Variants in IQSEC1 observed in about 807,000 individuals in gnomAD.
IQSEC1 encodes IQ motif and SEC7 domain-containing protein 1.
IQSEC1 carries 31 observed loss-of-function variants against 91.0 expected under a neutral mutation model. The ratio of observed to expected loss-of-function variants is 0.34; its 90% CI spans 0.26 to 0.46. The LOEUF (loss-of-function observed/expected upper bound fraction) is 0.46. Ranked by LOEUF, IQSEC1 falls within the 20% of genes least tolerant of loss-of-function variation. IQSEC1 has a pLI of 1.00. For missense variants in IQSEC1, 1,388 were observed against 1,575.6 expected (o/e 0.88, Z 2.02); for synonymous variants, 699 against 662.6 (o/e 1.05, Z -0.84).
At chr3:13,032,843 C>A (rs1407553613) in intron 1 of IQSEC1, among the ~76,000 whole-genome samples, 1 of 152,168 alleles carries the variant, frequency 6.6e-6, no homozygotes, top group Non-Finnish European at 1.5e-5. Context: ...CTCGGCCTCC[C>A]AAAGTGCTGG....
intron 6 of IQSEC1, 23 bp downstream of exon 6, chr3:12,920,407 G>A: frequency 6.2e-7 from 1 of 1,608,708 alleles, no homozygotes; most frequent in Non-Finnish European, 8.5e-7. Flanking sequence ...TCTGTGGCTG[G>A]CCGACCGCCT....
Position 12,988,726 on chromosome 3 carries a change from C to T in IQSEC1, c.24-46861G>A, listed in dbSNP as rs191611646. On this transcript the variant is annotated intron_variant, in intron 1 of 13. Coordinates refer to ENST00000613206, the MANE Select transcript of IQSEC1 (RefSeq NM_001134382.3). ...CTTTGGGCAATGCTCAGTCTCTTGACCCATGCAGTGGTCACACGCATGTTC... is the reference window on the plus strand; with the variant it reads ...CTTTGGGCAATGCTCAGTCTCTTGATCCATGCAGTGGTCACACGCATGTTC... Among the ~76,000 whole-genome samples the T allele has an allele frequency of 5.4e-4, 82 of 152,268 alleles. 1 individual carries two copies. The highest frequency in any genetic ancestry group is 9.1e-4 in the Non-Finnish European group (62 of 68,030).
rs1048965328 is a variant in IQSEC1 at position 13,217,662 on chromosome 3, T to C, written c.273-53529A>G. Among the ~76,000 whole-genome samples, 12 of 152,354 alleles carry C rather than the reference T, an allele frequency of 7.9e-5. 1 individual carries two copies. In the East Asian group the frequency reaches 1.9e-3, roughly 24 times the overall value. On this transcript the variant is annotated intron_variant, in intron 1 of 15. Coordinates refer to the IQSEC1 transcript ENST00000648114. ...AGGCCCCATCTCCAGTTTTGTGCCATGTCCCTATAAACTACTTAGTATTTT... is the reference window on the plus strand; with the variant it reads ...AGGCCCCATCTCCAGTTTTGTGCCACGTCCCTATAAACTACTTAGTATTTT...
intron 1 of IQSEC1, among the ~76,000 whole-genome samples, chr3:13,194,724 G>T (rs1354806724): frequency 1.3e-5 from 2 of 152,102 alleles, no homozygotes; most frequent in African/African-American, 4.8e-5. Flanking sequence ...CTTTGAATCT[G>T]GCAGGCCTTC....
At chr3:12,921,082 A>C (rs966627183) in intron 5 of IQSEC1, among the ~76,000 whole-genome samples, 1 of 152,060 alleles carries the variant, frequency 6.6e-6, no homozygotes, top group Non-Finnish European at 1.5e-5. Flanking sequence ...CAGGTTCAAC[A>C]GCTGTGGACC....
At chr3:12,913,096 C>T (rs1396413704) in intron 9 of IQSEC1, among the ~76,000 whole-genome samples, 1 of 152,258 alleles carries the variant, frequency 6.6e-6, no homozygotes, top group Non-Finnish European at 1.5e-5. Context: ...CTGCTGGGGC[C>T]ACCTTCCCCT....
chr3:13,230,254 A>C (rs1300664018), intron 1 of IQSEC1, among the ~76,000 whole-genome samples: 3 of 152,168 alleles, frequency 2.0e-5, no homozygotes, highest in Admixed American at 6.5e-5. Flanking sequence ...AAGAAACATA[A>C]ATAAGTCAGA....
intron 4 of IQSEC1, among the ~76,000 whole-genome samples, chr3:12,923,591 G>T (rs1380176468): frequency 6.6e-6 from 1 of 152,234 alleles, no homozygotes; most frequent in Non-Finnish European, 1.5e-5. Flanking sequence ...GAGTCTGCGT[G>T]TGTGGGGATG....
chr3:12,953,875 C>T (rs907370003), intron 1 of IQSEC1, among the ~76,000 whole-genome samples: 3 of 152,326 alleles, frequency 2.0e-5, no homozygotes, highest in South Asian at 2.1e-4. Flanking sequence ...GGGGCAAGGC[C>T]GCCCCTTCAC....
chr3:12,936,581 G>A lies in IQSEC1; in HGVS notation c.435C>T (p.Ser145=), dbSNP rs750047375. ...GTGACATGCGGTTCTCTGACATGGA[G>A]CTGCGCAAGCGCTCGAAGTTCTTGT... ...QMNKNFERLR[S]SMSENRMSRR... Residue 145 remains serine (S), a synonymous_variant, in exon 3 of 14, where the codon AGC becomes AGT. Coordinates refer to ENST00000613206, the MANE Select transcript of IQSEC1 (RefSeq NM_001134382.3). The A allele has an allele frequency of 1.2e-6, 2 of 1,613,290 alleles. No homozygotes were observed. The highest frequency in any genetic ancestry group is 1.1e-5 in the South Asian group (1 of 91,082).
chr3:12,999,741 C>G (rs1006501491), intron 1 of IQSEC1, among the ~76,000 whole-genome samples: 1 of 152,224 alleles, frequency 6.6e-6, no homozygotes, highest in African/African-American at 2.4e-5. Flanking sequence ...TTACCCAGAA[C>G]CTTCTGTGAC....
chr3:13,141,379 G>A (rs988433981), intron 2 of IQSEC1, among the ~76,000 whole-genome samples: 10 of 152,336 alleles, frequency 6.6e-5, no homozygotes, highest in East Asian at 1.9e-4. Context: ...TGCAGCAGCC[G>A]CATGCCAGCA....
intron 2 of IQSEC1, among the ~76,000 whole-genome samples, chr3:13,080,521 CTGG>C (rs1370258224): frequency 6.6e-6 from 1 of 152,084 alleles, no homozygotes. Flanking sequence ...CTTTGAGCGT[CTGG>C]CTGGAGGCTC....
chr3:13,260,008 C>T (rs1235595304), intron 1 of IQSEC1, among the ~76,000 whole-genome samples: 1 of 152,238 alleles, frequency 6.6e-6, no homozygotes, highest in East Asian at 1.9e-4. Context: ...ATTGTTCTAG[C>T]AAAAGTTGTG....
chr3:13,047,367 G>C (rs1397363648), intron 1 of IQSEC1: 1 of 436,512 alleles, frequency 2.3e-6, no homozygotes, highest in Non-Finnish European at 3.0e-6. Context: ...GGGCCAAATG[G>C]TGGAGCTAAT....
intron 1 of IQSEC1, among the ~76,000 whole-genome samples, chr3:13,202,898 C>A (rs74373702): frequency 2.0e-5 from 3 of 152,252 alleles, no homozygotes; most frequent in South Asian, 2.1e-4. Context: ...GTGTGCCGGG[C>A]GCCATTCTGA....
chr3:13,099,572 C>T (rs569109677), intron 2 of IQSEC1, among the ~76,000 whole-genome samples: 276 of 152,262 alleles, frequency 1.8e-3, no homozygotes, highest in African/African-American at 6.4e-3. Context: ...GCCATGGAAA[C>T]GCAAGCCAGA....
At chr3:12,960,105 G>A (rs1324467986) in intron 1 of IQSEC1, among the ~76,000 whole-genome samples, 1 of 152,160 alleles carries the variant, frequency 6.6e-6, no homozygotes, top group Non-Finnish European at 1.5e-5. Context: ...CACTGCAATG[G>A]TATAACGATG....
chr3:13,205,626 A>ACATCCCTCCATCCATC (rs1694329998), intron 1 of IQSEC1, among the ~76,000 whole-genome samples: 1 of 138,640 alleles, frequency 7.2e-6, no homozygotes, highest in South Asian at 2.3e-4. Flanking sequence ...CTCCACCCAT[A>ACATCCCTCCATCCATC]CATCCCTCCA....
Sources: gnomAD v4.1 joint callset for allele counts (sites outside exome capture counted in the v4.1 genomes callset) on GRCh38, gnomAD v4.1.1 for gene constraint, MANE v1.5 for transcripts, NCBI Gene and HGNC (gene_info 2026-07-23, HGNC 2026-07-21) for gene names.